URI1: variants seen among roughly 807,000 people sequenced by gnomAD.
URI1 encodes unconventional prefoldin RPB5 interactor 1.
A neutral mutation model predicts 60.2 loss-of-function variants in URI1; 39 were observed. The ratio of observed to expected loss-of-function variants is 0.65; its 90% CI spans 0.50 to 0.85. The LOEUF (loss-of-function observed/expected upper bound fraction) is 0.85, where lower values mean the gene tolerates loss of function less well. URI1 is among the 40% of genes least tolerant of loss of function. URI1 has a pLI of 0.00. For synonymous variants in URI1, 251 were observed against 236.8 expected, an observed-to-expected ratio of 1.06 and a Z score of -0.55; for missense variants, 691 against 665.9, an observed-to-expected ratio of 1.04 and a Z score of -0.42.
intron 2 of URI1, among the ~76,000 whole-genome samples, chr19:29,975,671 T>C (rs185245312): frequency 2.5e-4 from 38 of 152,210 alleles, no homozygotes; most frequent in African/African-American, 7.7e-4. Flanking sequence ...GCCCAGCTAA[T>C]TTTTTTAGTA....
chr19:29,949,810 T>C (rs1568411580), intron 1 of URI1, among the ~76,000 whole-genome samples: 1 of 151,944 alleles, frequency 6.6e-6, no homozygotes, highest in East Asian at 1.9e-4. Context: ...CTCTGCAGGC[T>C]GAGGCAGGAG....
At chr19:29,958,327 A>T (rs2055277064) in intron 1 of URI1, among the ~76,000 whole-genome samples, 1 of 152,214 alleles carries the variant, frequency 6.6e-6, no homozygotes, top group Non-Finnish European at 1.5e-5. Context: ...GGCAGTTTTA[A>T]GTATTTCACC....
At chr19:29,933,707 A>G (rs1478615883) in intron 1 of URI1, among the ~76,000 whole-genome samples, 1 of 151,594 alleles carries the variant, frequency 6.6e-6, no homozygotes, top group Admixed American at 6.6e-5. Flanking sequence ...CTGTAATCCC[A>G]GCTACTCAGG....
intron 1 of URI1, among the ~76,000 whole-genome samples, chr19:29,968,368 T>C (rs1397552627): frequency 6.6e-6 from 1 of 152,098 alleles, no homozygotes; most frequent in Non-Finnish European, 1.5e-5. Context: ...TTTCTTTTGC[T>C]GTGTTTTTCA....
At chr19:29,926,991 C>T (rs979353561) in intron 1 of URI1, among the ~76,000 whole-genome samples, 1 of 152,158 alleles carries the variant, frequency 6.6e-6, no homozygotes, top group African/African-American at 2.4e-5. Context: ...CAAAGACCAG[C>T]TTGTGGGGGC....
Position 30,011,172 on chromosome 19 carries a change from A to G in URI1, c.1114A>G (p.Ser372Gly), listed in dbSNP as rs777265326. The change falls in exon 9 of 11, where the codon AGC becomes GGC. Residue 372 changes from serine to glycine, a missense_variant. Transcript: ENST00000392271. The stretch of plus-strand genomic sequence containing the variant: ...AGAAGCCAAACGTAAACGAAAGAAC[A>G]GCACTGGCAGTGGCCACTCTGCCCA... ...KEEAKRKRKNSTGSGHSAQEL... is the reference protein window; with the variant it reads ...KEEAKRKRKNGTGSGHSAQEL... 7 of 1,612,600 alleles carry G rather than the reference A, an allele frequency of 4.3e-6. No homozygotes were observed. The African/African-American group carries it at 9.4e-5, about 22-fold the overall frequency.
At chr19:29,985,940 T>C (rs1011243927) in intron 3 of URI1, among the ~76,000 whole-genome samples, 10 of 152,244 alleles carry the variant, frequency 6.6e-5, no homozygotes, top group Non-Finnish European at 1.5e-4. Context: ...TATTTTGCAT[T>C]GACAATGTTT....
intron 1 of URI1, among the ~76,000 whole-genome samples, chr19:29,933,723 G>A (rs1234478192): frequency 1.3e-5 from 2 of 151,592 alleles, no homozygotes; most frequent in African/African-American, 2.4e-5. Flanking sequence ...TCAGGAGGCC[G>A]AGGCAGGAGC....
intron 1 of URI1, chr19:29,957,111 G>A (rs946467617): frequency 2.2e-5 from 10 of 449,866 alleles, no homozygotes; most frequent in African/African-American, 1.0e-4. Context: ...CAGGAAAACC[G>A]TAAAAGAAAT....
At chr19:29,984,364 G>A (rs1285678855) in intron 2 of URI1, among the ~76,000 whole-genome samples, 1 of 152,148 alleles carries the variant, frequency 6.6e-6, no homozygotes, top group Non-Finnish European at 1.5e-5. Context: ...AGGAGGTGGA[G>A]GTTGCAGTGA....
At chr19:29,981,336 A>G (rs1426134386) in intron 2 of URI1, among the ~76,000 whole-genome samples, 1 of 152,172 alleles carries the variant, frequency 6.6e-6, no homozygotes, top group Non-Finnish European at 1.5e-5. Context: ...ATACTTGAGC[A>G]TATCCCTCAT....
At chr19:29,962,508 C>G (rs1456198021) in intron 1 of URI1, among the ~76,000 whole-genome samples, 1 of 149,056 alleles carries the variant, frequency 6.7e-6, no homozygotes, top group East Asian at 2.0e-4. Context: ...TGCATGATTG[C>G]TCCCATGCAT....
chr19:29,942,195 C>T, upstream of URI1: 1 of 982,488 alleles, frequency 1.0e-6, no homozygotes, highest in African/African-American at 1.7e-5. Context: ...GTGTCGGGGG[C>T]GGGGCCTGCG....
At position 30,012,513 on chromosome 19, in the gene URI1, C is replaced by T. The variant is rs2056035557; in HGVS notation, c.1407C>T (p.Pro469=). 3 of 1,614,090 alleles carry T rather than the reference C, an allele frequency of 1.9e-6. No individual in the cohort carries two copies. The South Asian group carries it at 3.3e-5, about 18-fold the overall frequency. The change falls in exon 10 of 11, where the codon CCC becomes CCT. Residue 469 remains proline (P), a synonymous_variant. Transcript: ENST00000392271. ...EPQENQKKLL[P]LSVTPEAFSG... is the part of the protein sequence containing the mutation. ...AAGAAAATCAAAAGAAACTTTTGCCCTTATCAGTAACACCTGAGGTGTGTG... is the reference window on the plus strand; with the variant it reads ...AAGAAAATCAAAAGAAACTTTTGCCTTTATCAGTAACACCTGAGGTGTGTG...
At chr19:29,945,027 T>G (rs1304779907) in intron 1 of URI1, among the ~76,000 whole-genome samples, 1 of 152,236 alleles carries the variant, frequency 6.6e-6, no homozygotes, top group Non-Finnish European at 1.5e-5. Context: ...TCATAGTAGC[T>G]TCATATGTGG....
intron 1 of URI1, among the ~76,000 whole-genome samples, chr19:29,935,402 C>G (rs1051112364): frequency 5.3e-5 from 8 of 152,074 alleles, no homozygotes; most frequent in East Asian, 3.8e-4. Flanking sequence ...TGCATTTGCC[C>G]TTTAAATGAT....
chr19:29,984,876 C>T (rs2055643321), intron 2 of URI1, among the ~76,000 whole-genome samples: 1 of 151,912 alleles, frequency 6.6e-6, no homozygotes, highest in African/African-American at 2.4e-5. Flanking sequence ...AACTCTAGCA[C>T]TTCAGGAGGC....
In URI1 at chr19:29,942,258, C is replaced by T. The variant is rs985176681; in HGVS notation, c.-290C>T. 1.5e-4 allele frequency: 152 copies of T among 984,594 alleles called. No individual in the cohort carries two copies. The highest frequency in any genetic ancestry group is 1.8e-4 in the Non-Finnish European group (147 of 829,636). The allele number at this position is 984,594 out of a possible 1,614,324, so 61.0% of individuals were successfully genotyped here. A position where few individuals can be genotyped will look rare whatever the true frequency, so the allele number is the denominator to read the frequency against. On this transcript the variant is annotated 5_prime_UTR_variant, in exon 1 of 11. Transcript: ENST00000392271. Reference sequence around the variant, plus strand: ...CGGGGCGTGTGGGGAGGCGCGGCCGCCACGCGACGCCTGGCTGGGCCCGCA... The same window carrying T: ...CGGGGCGTGTGGGGAGGCGCGGCCGTCACGCGACGCCTGGCTGGGCCCGCA...
At chr19:29,952,220 G>C (rs1037251985) in intron 1 of URI1, among the ~76,000 whole-genome samples, 2 of 152,130 alleles carry the variant, frequency 1.3e-5, no homozygotes, top group African/African-American at 4.8e-5. Context: ...AGTTTAATCA[G>C]AATTTAAACA....
Sources: gnomAD v4.1 joint callset for allele counts (sites outside exome capture counted in the v4.1 genomes callset) on GRCh38, gnomAD v4.1.1 for gene constraint, MANE v1.5 for transcripts, NCBI Gene and HGNC (gene_info 2026-07-23, HGNC 2026-07-21) for gene names.